GIMAP6: variants seen among roughly 807,000 people sequenced by gnomAD.
GIMAP6 encodes the protein GTPase IMAP family member 6.
Under a neutral mutation model 9.3 loss-of-function variants are expected in GIMAP6, and 6 were observed. The observed-to-expected ratio is 0.65, with a 90% CI of 0.35 to 1.27. The LOEUF (loss-of-function observed/expected upper bound fraction) is 1.27. Among genes scored for constraint, GIMAP6 ranks in the 50% most tolerant of loss-of-function variants. The pLI is 0.03. For missense variants in GIMAP6, 333 were observed against 359.5 expected (o/e 0.93, Z 0.60); for synonymous variants, 156 against 151.1 (o/e 1.03, Z -0.24).
chr7:150,629,779 T>C (rs1004241305), intron 2 of GIMAP6, among the ~76,000 whole-genome samples: 9 of 152,326 alleles, frequency 5.9e-5, no homozygotes, highest in African/African-American at 2.2e-4. Flanking sequence ...ACATCTACCA[T>C]GTGAAAGCAT....
rs1043309659 is a variant in GIMAP6 at position 150,627,234 on chromosome 7, C to G, written c.*485G>C. ...CTCAGCACCACTGCCATGTTCCAGC[C>G]ACCAGACACAACAGGCACCTTAAAC... On this transcript the variant is annotated 3_prime_UTR_variant, in exon 3 of 3. Coordinates refer to ENST00000328902, the MANE Select transcript of GIMAP6 (RefSeq NM_024711.6). 1.6e-5 allele frequency: 3 copies of G among 182,802 alleles called. No homozygotes were observed. The highest frequency in any genetic ancestry group is 7.2e-5 in the African/African-American group (3 of 41,856). The allele number at this position is 182,802 out of a possible 1,614,324, so 11.3% of individuals were successfully genotyped here.
chr7:150,631,709 A>G (rs1796394742), intron 1 of GIMAP6, among the ~76,000 whole-genome samples: 1 of 152,232 alleles, frequency 6.6e-6, no homozygotes, highest in Non-Finnish European at 1.5e-5. Flanking sequence ...TGTTGGCCAC[A>G]GTGTGCATTG....
chr7:150,631,998 A>G (rs1796399101), intron 1 of GIMAP6, among the ~76,000 whole-genome samples, 171 bp downstream of exon 1: 1 of 151,930 alleles, frequency 6.6e-6, no homozygotes, highest in Non-Finnish European at 1.5e-5. Context: ...ACAAATATAC[A>G]TACACAACAC....
Position 150,627,833 on chromosome 7 carries a change from C to T in GIMAP6, c.765G>A (p.Gln255=). ...CAGGCACGTCCTCAGAGCCTTGGCCCTGGCTTACTTGCCTTTCCTGTAGTT... is the reference window on the plus strand; with the variant it reads ...CAGGCACGTCCTCAGAGCCTTGGCCTTGGCTTACTTGCCTTTCCTGTAGTT... ...LKELQERQVS[Q]GQGSEDVPGE... is the part of the protein sequence containing the mutation. The change falls in exon 3 of 3, where the codon CAG becomes CAA. Residue 255 remains glutamine, a synonymous_variant. Transcript: ENST00000328902. 1 of 1,614,248 alleles carries T rather than the reference C, an allele frequency of 6.2e-7. No individual in the cohort carries two copies. The highest frequency in any genetic ancestry group is 8.5e-7 in the Non-Finnish European group (1 of 1,180,036).
chr7:150,628,575 TCACCA>T, intron 2 of GIMAP6, 63 bp from the exon 3 acceptor site: 3 of 1,601,216 alleles, frequency 1.9e-6, no homozygotes, highest in Non-Finnish European at 2.5e-6. Context: ...CATCTTGTCA[TCACCA>T]GGAGCCTCTG....
In GIMAP6 at chr7:150,628,259, G is replaced by A. The variant is rs1796333374; in HGVS notation, c.339C>T (p.Cys113=). The change falls in exon 3 of 3, where the codon TGC becomes TGT. Residue 113 remains cysteine, a synonymous_variant. Coordinates refer to ENST00000328902, the MANE Select transcript of GIMAP6 (RefSeq NM_024711.6). ...CTGGGGCGGATAAGACGATGGCTTG[G>A]CAGATAGCGTCTGCCACCTCTGGCG... ...QVSPEVADAI[C]QAIVLSAPGP... is the part of the protein sequence containing the mutation. The A allele has an allele frequency of 6.2e-7, 1 of 1,614,144 alleles. No individual in the cohort carries two copies. The highest frequency in any genetic ancestry group is 8.5e-7 in the Non-Finnish European group (1 of 1,179,988).
intron 1 of GIMAP6, among the ~76,000 whole-genome samples, chr7:150,630,457 G>C (rs931819547): frequency 1.3e-5 from 2 of 152,204 alleles, no homozygotes; most frequent in Non-Finnish European, 2.9e-5. Flanking sequence ...GATAGACAAA[G>C]GGTCTGGAAC....
chr7:150,628,755 C>T (rs1796344782), intron 2 of GIMAP6: 1 of 1,445,684 alleles, frequency 6.9e-7, no homozygotes, highest in Non-Finnish European at 9.1e-7. Flanking sequence ...GCCAATAGAA[C>T]ACCAAGAAAC....
chr7:150,625,564 T>G lies in GIMAP6; in HGVS notation c.*2155A>C, dbSNP rs1467220683. The G allele has an allele frequency of 6.6e-6, 1 of 152,230 alleles. No individual in the cohort carries two copies. The highest frequency in any genetic ancestry group is 2.4e-5 in the African/African-American group (1 of 41,454). The allele number at this position is 152,230 out of a possible 1,614,324, so 9.4% of individuals were successfully genotyped here. A position where few individuals can be genotyped will look rare whatever the true frequency, so the allele number is the denominator to read the frequency against. ...CTATCTGAATGAAAATGCAAATGATTCTAACTTTTACTTCAGTAGCTCTGG... is the reference window on the plus strand; with the variant it reads ...CTATCTGAATGAAAATGCAAATGATGCTAACTTTTACTTCAGTAGCTCTGG... On this transcript the variant is annotated 3_prime_UTR_variant, in exon 3 of 3. Coordinates refer to ENST00000328902, the MANE Select transcript of GIMAP6 (RefSeq NM_024711.6).
In GIMAP6 at chr7:150,626,845, A is replaced by G. The variant is rs1796302099; in HGVS notation, c.*874T>C. Reference sequence around the variant, plus strand: ...TGTGCCTTCTAGGAGCAGAAGGCAAATATCATGAGGGGCCATGAAACCCAT... The same window carrying G: ...TGTGCCTTCTAGGAGCAGAAGGCAAGTATCATGAGGGGCCATGAAACCCAT... On this transcript the variant is annotated 3_prime_UTR_variant, in exon 3 of 3. Transcript: ENST00000328902. 1.3e-5 allele frequency: 2 copies of G among 152,332 alleles called. No individual in the cohort carries two copies. Among genetic ancestry groups the G allele is most frequent in the African/African-American group, 4.8e-5 (2 of 41,570 alleles). The allele number at this position is 152,332 out of a possible 1,614,324, so 9.4% of individuals were successfully genotyped here.
In GIMAP6 at chr7:150,626,507, A is replaced by G. The variant is rs1796296515; in HGVS notation, c.*1212T>C. The G allele has an allele frequency of 2.0e-5, 3 of 152,228 alleles. No homozygotes were observed. The highest frequency in any genetic ancestry group is 2.0e-4 in the Admixed American group (3 of 15,282). The allele number at this position is 152,228 out of a possible 1,614,324, so 9.4% of individuals were successfully genotyped here. On this transcript the variant is annotated 3_prime_UTR_variant, in exon 3 of 3. Transcript: ENST00000328902. ...CTTCCTATCCGAGGCCTGAGACAGG[A>G]TGACATCCTACTCCCTTCTCATCCT...
At chr7:150,631,348 A>C (rs138917779) in intron 1 of GIMAP6, among the ~76,000 whole-genome samples, 118 of 152,298 alleles carry the variant, frequency 7.7e-4, no homozygotes, top group Middle Eastern at 6.8e-3. Context: ...AAGAAAGAAG[A>C]AGCAGGCCAG....
intron 1 of GIMAP6, 24 bp from the exon 2 acceptor site, chr7:150,630,166 A>G: frequency 7.4e-7 from 1 of 1,360,202 alleles, no homozygotes; most frequent in East Asian, 2.4e-5. Flanking sequence ...AAAAAAAAAA[A>G]AATCATATGT....
At position 150,627,424 on chromosome 7, in the gene GIMAP6, T is replaced by C. The variant is rs1402884659; in HGVS notation, c.*295A>G. The C allele has an allele frequency of 8.7e-6, 4 of 461,926 alleles. No homozygotes were observed. The African/African-American group carries it at 9.1e-5, about 10-fold the overall frequency. 28.6% of individuals were successfully genotyped at this position (461,926 alleles called of 1,614,324 possible). Reference sequence around the variant, plus strand: ...AAGAAACTTTGGTTCTATCAGAGTATAGACAAGTAACTCATGAAAGGCAAT... The same window carrying C: ...AAGAAACTTTGGTTCTATCAGAGTACAGACAAGTAACTCATGAAAGGCAAT... On this transcript the variant is annotated 3_prime_UTR_variant, in exon 3 of 3. Transcript: ENST00000328902.
intron 1 of GIMAP6, among the ~76,000 whole-genome samples, chr7:150,631,922 A>G (rs968938185): frequency 6.6e-6 from 1 of 152,070 alleles, no homozygotes; most frequent in African/African-American, 2.4e-5. Flanking sequence ...CACAACACAC[A>G]CACATACACA....
rs745352182 is a variant in GIMAP6 at position 150,628,461 on chromosome 7, A to C, written c.137T>G (p.Met46Arg). 6.2e-7 allele frequency: 1 copy of C among 1,614,128 alleles called. No individual in the cohort carries two copies. Among genetic ancestry groups the C allele is most frequent in the African/African-American group, 1.3e-5 (1 of 75,026 alleles). Reference sequence around the variant, plus strand: ...ACTCTTCCCACTCCCTGTTTTCCCCATGAGAATGAGCCTCAGTCTCCTTGG... The same window carrying C: ...ACTCTTCCCACTCCCTGTTTTCCCCCTGAGAATGAGCCTCAGTCTCCTTGG... ...KTPRRLRLIL[M>R]GKTGSGKSAT... The change falls in exon 3 of 3, where the codon ATG becomes AGG. Residue 46 changes from methionine to arginine, a missense_variant. Coordinates refer to ENST00000328902, the MANE Select transcript of GIMAP6 (RefSeq NM_024711.6).
chr7:150,627,621 G>T lies in GIMAP6; in HGVS notation c.*98C>A. ...CCTACACCAGACGTCATGACCTGGA[G>T]ACTGGGAAGCACTCCATGGGATGGA... On this transcript the variant is annotated 3_prime_UTR_variant, in exon 3 of 3. Coordinates refer to ENST00000328902, the MANE Select transcript of GIMAP6 (RefSeq NM_024711.6). 1 of 1,468,160 alleles carries T rather than the reference G, an allele frequency of 6.8e-7. No individual in the cohort carries two copies. Among genetic ancestry groups the T allele is most frequent in the Non-Finnish European group, 9.5e-7 (1 of 1,052,252 alleles). 90.9% of individuals were successfully genotyped at this position (1,468,160 alleles called of 1,614,324 possible).
At chr7:150,630,242 GT>G in intron 1 of GIMAP6, 100 bp from the exon 2 acceptor site, 1 of 907,938 alleles carries the variant, frequency 1.1e-6, no homozygotes, top group Non-Finnish European at 1.6e-6. Flanking sequence ...CCAGAGGAAA[GT>G]TTTTTGCATT....
At position 150,630,166 on chromosome 7, in the gene GIMAP6, AAAT is replaced by A. The variant is rs1460569410; in HGVS notation, c.1-27_1-25del. The A allele has an allele frequency of 3.1e-5, 42 of 1,360,194 alleles. No homozygotes were observed. The South Asian group carries it at 4.1e-4, about 13-fold the overall frequency. 84.3% of individuals were successfully genotyped at this position (1,360,194 alleles called of 1,614,324 possible). The stretch of plus-strand genomic sequence containing the variant: ...ATCTACAAAAAAAAAAAAAAAAAAA[AAAT>A]CATATGTTCTACTGACTTTCCAAAT... On this transcript the variant is annotated intron_variant, in intron 1 of 2. Transcript: ENST00000328902.
Sources: allele counts gnomAD v4.1 joint callset (sites outside exome capture counted in the v4.1 genomes callset), GRCh38; gene constraint gnomAD v4.1.1; transcripts MANE v1.5; gene names NCBI Gene and HGNC (gene_info 2026-07-23, HGNC 2026-07-21).